Variants in SGIP1 observed in about 807,000 individuals in gnomAD.
SGIP1 encodes the protein SH3-containing GRB2-like protein 3-interacting protein 1.
Under a neutral mutation model 107.5 loss-of-function variants are expected in SGIP1, and 38 were observed. The ratio of observed to expected loss-of-function variants is 0.35; its 90% CI spans 0.27 to 0.46. The LOEUF (loss-of-function observed/expected upper bound fraction) is 0.46. Ranked by LOEUF, SGIP1 falls within the 20% of genes least tolerant of loss-of-function variation. The pLI is 1.00. For missense variants in SGIP1, 929 were observed against 1,019.5 expected, an observed-to-expected ratio of 0.91 and a Z score of 1.21; for synonymous variants, 365 against 366.1, an observed-to-expected ratio of 1.00 and a Z score of 0.03.
chr1:66,534,122 C>A (rs1322482419), upstream of SGIP1: 13 of 591,682 alleles, frequency 2.2e-5, no homozygotes, highest in East Asian at 3.4e-4. Context: ...GCAGCTCGGC[C>A]AGCTTGCCGT....
chr1:66,556,532 G>A lies in SGIP1; in HGVS notation c.10+22164G>A, dbSNP rs1007285486. ...AAAAGCGTGTGCAGACTTGCTTCCA[G>A]GCTTGCAATGGAGCTGGAGGAGGGC... is the stretch of plus-strand genomic sequence containing the variant. On this transcript the variant is annotated intron_variant, in intron 1 of 24. Coordinates refer to ENST00000371037, the MANE Select transcript of SGIP1 (RefSeq NM_032291.4). Among the ~76,000 whole-genome samples, 8 of 152,174 alleles carry A rather than the reference G, an allele frequency of 5.3e-5. No individual in the cohort carries two copies. In the East Asian group the frequency reaches 5.8e-4, roughly 11 times the overall value.
rs1426472135 is a variant in SGIP1, at chr1:66,679,726, C to T, written c.788C>T (p.Thr263Ile). Residue 263 changes from threonine (T) to isoleucine (I), a missense_variant, in exon 14 of 25, where the codon ACA becomes ATA. Thr to Ile is a moderately conservative substitution (Grantham distance 89). Transcript: ENST00000371037. ...AATGTACCAGCTACCCCACCCCGAA[C>T]AGGATCCCCCTTAACAATTGGACCA... ...PKNVPATPPRTGSPLTIGPGN... is the reference protein window; with the variant it reads ...PKNVPATPPRIGSPLTIGPGN... The T allele has an allele frequency of 6.2e-7, 1 of 1,603,996 alleles. No individual in the cohort carries two copies. Among genetic ancestry groups the T allele is most frequent in the East Asian group, 2.3e-5 (1 of 43,948 alleles).
chr1:66,548,758 T>C (rs1398474728), intron 1 of SGIP1, among the ~76,000 whole-genome samples: 1 of 152,144 alleles, frequency 6.6e-6, no homozygotes, highest in Non-Finnish European at 1.5e-5. Context: ...AATGTTTCCA[T>C]TAAAAGATTT....
At chr1:66,670,134 G>C (rs926354160) in intron 9 of SGIP1, among the ~76,000 whole-genome samples, 1 of 152,134 alleles carries the variant, frequency 6.6e-6, no homozygotes, top group Non-Finnish European at 1.5e-5. Context: ...GGCATCCCAA[G>C]CCATGCTGTA....
At chr1:66,741,202 A>G (rs145701339) in intron 23 of SGIP1, 70 bp from the exon 24 acceptor site, 1 of 1,452,766 alleles carries the variant, frequency 6.9e-7, no homozygotes, top group African/African-American at 1.4e-5. Flanking sequence ...TAACTTTTGA[A>G]TGCAACCTCC....
intron 1 of SGIP1, among the ~76,000 whole-genome samples, chr1:66,621,936 T>C (rs2071245134): frequency 6.6e-6 from 1 of 152,220 alleles, no homozygotes; most frequent in Admixed American, 6.5e-5. Context: ...GCAGCTTTTA[T>C]TACATATGTA....
At chr1:66,662,001 C>T (rs563480907) in intron 8 of SGIP1, among the ~76,000 whole-genome samples, 1 of 152,210 alleles carries the variant, frequency 6.6e-6, no homozygotes, top group African/African-American at 2.4e-5. Context: ...AAGATCATCT[C>T]AAATATGTCT....
chr1:66,740,174 T>C (rs558516028), intron 22 of SGIP1, among the ~76,000 whole-genome samples: 11 of 152,294 alleles, frequency 7.2e-5, no homozygotes, highest in African/African-American at 2.6e-4. Context: ...AAAGGCACAC[T>C]AGAGAAGGTA....
At chr1:66,656,597 G>A (rs944604256) in intron 7 of SGIP1, among the ~76,000 whole-genome samples, 18 of 152,060 alleles carry the variant, frequency 1.2e-4, no homozygotes, top group African/African-American at 2.9e-4. Context: ...GCAGTCCATC[G>A]TTGACCAAAG....
intron 1 of SGIP1, among the ~76,000 whole-genome samples, chr1:66,577,340 A>C (rs2061204620): frequency 6.6e-6 from 1 of 152,050 alleles, no homozygotes; most frequent in South Asian, 2.1e-4. Context: ...ACATCATATA[A>C]ACTCCTTAAA....
chr1:66,628,108 T>C (rs2073372833), intron 2 of SGIP1, among the ~76,000 whole-genome samples: 1 of 152,174 alleles, frequency 6.6e-6, no homozygotes, highest in Admixed American at 6.5e-5. Flanking sequence ...TAGTATTCCA[T>C]GGTGTATATG....
Position 66,582,670 on chromosome 1 carries a change from GATTCATAAATATCTGA to G in SGIP1, c.11-43173_11-43158del, listed in dbSNP as rs546061401. 2.2e-4 allele frequency among the ~76,000 whole-genome samples: 33 copies of G among 152,006 alleles called. 1 individual carries two copies. The South Asian group carries it at 6.6e-3, about 31-fold the overall frequency. ...ATTATATTAGAAATAATTGATAATT[GATTCATAAATATCTGA>G]ATTACACATGGCTTTTTTTAGATGC... On this transcript the variant is annotated intron_variant, in intron 1 of 24. Coordinates refer to ENST00000371037, the MANE Select transcript of SGIP1 (RefSeq NM_032291.4).
At chr1:66,713,488 T>C (rs891790418) in intron 18 of SGIP1, among the ~76,000 whole-genome samples, 2 of 152,166 alleles carry the variant, frequency 1.3e-5, no homozygotes, top group African/African-American at 4.8e-5. Context: ...TTTGTTGTTA[T>C]TGAAGGACAG....
At position 66,682,388 on chromosome 1, in the gene SGIP1, T is replaced by C. The variant is rs1225487192; in HGVS notation, c.1315+19T>C. 1 of 1,583,338 alleles carries C rather than the reference T, an allele frequency of 6.3e-7. No individual in the cohort carries two copies. Among genetic ancestry groups the C allele is most frequent in the African/African-American group, 1.4e-5 (1 of 72,946 alleles). The stretch of plus-strand genomic sequence containing the variant: ...ACCAGTGGTATGTCTTATGCTTGAG[T>C]GTGCTTCTTGTGACGGGGAATGGCC... On this transcript the variant is annotated intron_variant, in intron 15 of 24. Coordinates refer to ENST00000371037, the MANE Select transcript of SGIP1 (RefSeq NM_032291.4).
rs555554271 is a variant in SGIP1, at chr1:66,718,321, C to T, written c.1631-973C>T. 1.1e-3 allele frequency among the ~76,000 whole-genome samples: 164 copies of T among 147,344 alleles called. 1 individual carries two copies. The highest frequency in any genetic ancestry group is 3.9e-3 in the African/African-American group (159 of 40,288). ...CAATACCATGCCTAGAGATCAATAA[C>T]AAAAAAAAAATCTTAAATGTTGATA... is the stretch of plus-strand genomic sequence containing the variant. On this transcript the variant is annotated intron_variant, in intron 18 of 24. Coordinates refer to ENST00000371037, the MANE Select transcript of SGIP1 (RefSeq NM_032291.4).
chr1:66,542,291 A>G (rs2055164546), intron 1 of SGIP1, among the ~76,000 whole-genome samples: 2 of 152,194 alleles, frequency 1.3e-5, no homozygotes, highest in African/African-American at 4.8e-5. Context: ...ACAATAACGA[A>G]TAATAAAATT....
At chr1:66,561,187 C>A (rs988554083) in intron 1 of SGIP1, among the ~76,000 whole-genome samples, 2 of 152,046 alleles carry the variant, frequency 1.3e-5, no homozygotes, top group Admixed American at 1.3e-4. Flanking sequence ...TATAATTTTT[C>A]TCCTTTTACA....
At chr1:66,651,702 T>C (rs956184866) in intron 7 of SGIP1, among the ~76,000 whole-genome samples, 5 of 152,178 alleles carry the variant, frequency 3.3e-5, no homozygotes, top group African/African-American at 9.7e-5. Flanking sequence ...GCACTTCCTA[T>C]ATTGTACCAC....
intron 20 of SGIP1, among the ~76,000 whole-genome samples, chr1:66,730,686 C>T (rs1259961191): frequency 6.6e-6 from 1 of 152,178 alleles, no homozygotes. Context: ...GAATCTAAAC[C>T]TGTTACCATT....
Sources: gnomAD v4.1 joint callset for allele counts (sites outside exome capture counted in the v4.1 genomes callset) on GRCh38, gnomAD v4.1.1 for gene constraint, MANE v1.5 for transcripts, NCBI Gene and HGNC (gene_info 2026-07-23, HGNC 2026-07-21) for gene names.